RTL4: variants seen among roughly 807,000 people sequenced by gnomAD.
The protein encoded by RTL4 is retrotransposon Gag like 4, also known as retrotransposon Gag-like protein 4.
A neutral mutation model predicts 5.3 loss-of-function variants in RTL4; 4 were observed. That is an observed-to-expected ratio of 0.75 (90% CI 0.37 to 1.72). RTL4 has a LOEUF of 1.72. Among genes scored for constraint, RTL4 ranks in the 40% most tolerant of loss-of-function variants. The pLI is 0.04. For synonymous variants in RTL4, 98 were observed against 87.3 expected (o/e 1.12, Z -0.68); for missense variants, 260 against 227.1 (o/e 1.14, Z -0.93).
chrX:112,185,513 T>C, the RTL4 span, among the ~76,000 whole-genome samples: 3 of 107,176 alleles, frequency 2.8e-5, no homozygotes, highest in Non-Finnish European at 5.8e-5. Context: ...TCTCGTAGAA[T>C]TGTGTTTCTT....
At chrX:112,162,120 T>C in the RTL4 span, among the ~76,000 whole-genome samples, 1 of 110,568 alleles carries the variant, frequency 9.0e-6, no homozygotes, top group African/African-American at 3.3e-5. Flanking sequence ...AAATTGTAGA[T>C]AGTTGTGTTA....
At chrX:112,363,331 G>A in the RTL4 span, among the ~76,000 whole-genome samples, 7 of 111,210 alleles carry the variant, frequency 6.3e-5, no homozygotes, top group Non-Finnish European at 1.1e-4. Context: ...GTCTCCAGGG[G>A]AAAGTGCTAT....
the RTL4 span, among the ~76,000 whole-genome samples, chrX:112,428,350 T>C: frequency 8.9e-6 from 1 of 112,243 alleles, no homozygotes; most frequent in Admixed American, 9.4e-5. Context: ...CTCCATACTG[T>C]ATTTTCATTT....
At chrX:112,241,688 T>C in the RTL4 span, among the ~76,000 whole-genome samples, 2 of 112,262 alleles carry the variant, frequency 1.8e-5, no homozygotes, top group Non-Finnish European at 3.8e-5. Flanking sequence ...GTGGAGAAGC[T>C]CTTTAGTTTA....
chrX:112,265,515 C>T, the RTL4 span, among the ~76,000 whole-genome samples: 2 of 112,059 alleles, frequency 1.8e-5, no homozygotes, highest in African/African-American at 6.5e-5. Flanking sequence ...TCTTCAGGGA[C>T]AGGAGAATTT....
At chrX:112,318,863 G>T in the RTL4 span, among the ~76,000 whole-genome samples, 1 of 111,490 alleles carries the variant, frequency 9.0e-6, no homozygotes, top group African/African-American at 3.3e-5. Context: ...ATTACTGACA[G>T]CCAGATTTCA....
chrX:112,324,043 A>G, the RTL4 span, among the ~76,000 whole-genome samples: 3 of 112,516 alleles, frequency 2.7e-5, no homozygotes, highest in Non-Finnish European at 5.6e-5. Flanking sequence ...AGTCCAGAAT[A>G]GCTTTATCAC....
chrX:112,188,694 G>A, the RTL4 span, among the ~76,000 whole-genome samples: 1 of 109,829 alleles, frequency 9.1e-6, no homozygotes, highest in African/African-American at 3.3e-5. Context: ...GATACCTTGT[G>A]TCCTTGGAAT....
the RTL4 span, among the ~76,000 whole-genome samples, chrX:112,263,093 T>C: frequency 9.7e-6 from 1 of 103,194 alleles, no homozygotes; most frequent in African/African-American, 3.6e-5. Context: ...TTAGGAGATA[T>C]ACCTAATGTA....
the RTL4 span, among the ~76,000 whole-genome samples, chrX:112,124,977 T>G: frequency 9.0e-6 from 1 of 110,701 alleles, no homozygotes; most frequent in Non-Finnish European, 1.9e-5. Context: ...CTCAGCTCAC[T>G]GAAACCTCCA....
the RTL4 span, among the ~76,000 whole-genome samples, chrX:112,375,662 T>C: frequency 1.8e-5 from 2 of 111,652 alleles, no homozygotes; most frequent in South Asian, 7.5e-4. Flanking sequence ...TCCAACAGTG[T>C]GCTGAAACTT....
the RTL4 span, among the ~76,000 whole-genome samples, chrX:112,199,339 T>C: frequency 9.4e-6 from 1 of 106,936 alleles, no homozygotes; most frequent in Non-Finnish European, 1.9e-5. Context: ...TTTACCTGTG[T>C]AAGGGAAAGA....
the RTL4 span, among the ~76,000 whole-genome samples, chrX:112,107,287 T>A: frequency 1.8e-5 from 2 of 112,115 alleles, no homozygotes; most frequent in South Asian, 7.4e-4. Flanking sequence ...CAAATTTTTG[T>A]AACTGTTATT....
At chrX:112,087,409 G>A in the RTL4 span, among the ~76,000 whole-genome samples, 1 of 106,352 alleles carries the variant, frequency 9.4e-6, no homozygotes, top group African/African-American at 3.5e-5. Context: ...GAGGGAACAT[G>A]TATGTCCTTG....
At chrX:112,394,298 T>C in the RTL4 span, among the ~76,000 whole-genome samples, 8 of 111,760 alleles carry the variant, frequency 7.2e-5, no homozygotes, top group Non-Finnish European at 9.4e-5. Flanking sequence ...CTGAGGGTGC[T>C]GTATTTACTC....
At chrX:112,196,733 A>T in the RTL4 span, among the ~76,000 whole-genome samples, 18 of 111,793 alleles carry the variant, frequency 1.6e-4, no homozygotes, top group Non-Finnish European at 3.2e-4. Context: ...ATGACTAATG[A>T]CATTAAACAT....
At chrX:112,334,824 T>G in the RTL4 span, among the ~76,000 whole-genome samples, 3 of 112,094 alleles carry the variant, frequency 2.7e-5, no homozygotes, top group African/African-American at 9.7e-5. Flanking sequence ...ATCATTTAAA[T>G]TCTCTTGTTT....
chrX:112,115,092 G>T, the RTL4 span, among the ~76,000 whole-genome samples: 1 of 110,746 alleles, frequency 9.0e-6, no homozygotes, highest in African/African-American at 3.3e-5. Context: ...CCATCTGAAA[G>T]AAAAAACTGC....
chrX:112,333,122 G>A, the RTL4 span, among the ~76,000 whole-genome samples: 1 of 110,050 alleles, frequency 9.1e-6, no homozygotes, highest in Admixed American at 9.8e-5. Flanking sequence ...ATATTCAATG[G>A]TGTGTGCATG....
Sources: gnomAD v4.1 joint callset for allele counts (sites outside exome capture counted in the v4.1 genomes callset) on GRCh38, gnomAD v4.1.1 for gene constraint, MANE v1.5 for transcripts, NCBI Gene and HGNC (gene_info 2026-07-23, HGNC 2026-07-21) for gene names.